Variants in PCGF3 observed in about 807,000 individuals in gnomAD.
The protein encoded by PCGF3 is polycomb group ring finger 3.
A neutral mutation model predicts 33.1 loss-of-function variants in PCGF3; 7 were observed. The ratio of observed to expected loss-of-function variants is 0.21; its 90% CI spans 0.12 to 0.40. The LOEUF is 0.40. Ranked by LOEUF, PCGF3 falls within the 10% of genes least tolerant of loss-of-function variation. PCGF3 has a pLI of 1.00. For synonymous variants in PCGF3, 153 were observed against 121.3 expected, an observed-to-expected ratio of 1.26 and a Z score of -1.72; for missense variants, 211 against 313.3, an observed-to-expected ratio of 0.67 and a Z score of 2.46.
intron 3 of PCGF3, chr4:731,334 G>A (rs1479405327): frequency 1.2e-5 from 5 of 400,246 alleles, no homozygotes; most frequent in Non-Finnish European, 2.2e-5. Context: ...CAGAGGGCTG[G>A]TCTCCTTCCG....
Position 734,941 on chromosome 4 carries a change from C to T in PCGF3, c.120C>T (p.Ser40=), listed in dbSNP as rs375987171. ...GTGCTTTGATGACAGTCTGCAGGAG[C>T]TGCCTGGTGAAGTACCTGGAGGAGA... Residue 40 remains serine (S), a synonymous_variant, in exon 5 of 11, where the codon AGC becomes AGT. Coordinates refer to ENST00000362003, the Ensembl canonical transcript of PCGF3. 24 of 1,613,456 alleles carry T rather than the reference C, an allele frequency of 1.5e-5. No homozygotes were observed. In the African/African-American group the frequency reaches 3.1e-4, roughly 21 times the overall value.
At chr4:765,968 T>TGAAGTAGGTCCTTCTCGCC in intron 10 of PCGF3, 64 bp from the exon 11 acceptor site, 1 of 1,458,360 alleles carries the variant, frequency 6.9e-7, no homozygotes, top group Non-Finnish European at 9.6e-7. Context: ...CCCTTCCCGA[T>TGAAGTAGGTCCTTCTCGCC]GAAGTAGGTC....
Position 751,316 on chromosome 4 carries a change from C to T in PCGF3, c.462+6628C>T, listed in dbSNP as rs1005678506. Among the ~76,000 whole-genome samples the T allele has an allele frequency of 9.2e-5, 14 of 152,262 alleles. 2 individuals carry two copies. Among genetic ancestry groups the T allele is most frequent in the South Asian group, 2.1e-4 (1 of 4,818 alleles). On this transcript the variant is annotated intron_variant, in intron 8 of 10. Transcript: ENST00000362003. ...AATTTTATTTCACACTAATTTTATT[C>T]TAGGAATCGCTTCTTCATCTTACTG... is the stretch of plus-strand genomic sequence containing the variant.
At chr4:762,591 CA>C (rs1745121748) in intron 9 of PCGF3, 1 of 152,312 alleles carries the variant, frequency 6.6e-6, no homozygotes, top group Non-Finnish European at 1.5e-5. Flanking sequence ...CATGAGGATG[CA>C]GCAGAAGGCC....
At position 764,806 on chromosome 4, in the gene PCGF3, A is replaced by G. The variant is rs1745271474; in HGVS notation, c.601-178A>G. 6.9e-6 allele frequency: 4 copies of G among 578,464 alleles called. No individual in the cohort carries two copies. The East Asian group carries it at 8.8e-5, about 13-fold the overall frequency. 35.8% of individuals were successfully genotyped at this position (578,464 alleles called of 1,614,324 possible). ...AGCTGTGAGGTAGGGACCACACTCC[A>G]TCTCTAGGCTGTGAGGTAGGGATGG... On this transcript the variant is annotated intron_variant, in intron 9 of 10. Transcript: ENST00000362003.
intron 1 of PCGF3, among the ~76,000 whole-genome samples, chr4:718,230 G>A (rs2109539361): frequency 6.6e-6 from 1 of 152,256 alleles, no homozygotes; most frequent in South Asian, 2.1e-4. Flanking sequence ...GAGGTGCCTG[G>A]AGAGGAAACG....
At chr4:743,948 G>GA (rs376575125) in intron 7 of PCGF3, 108 of 194,970 alleles carry the variant, frequency 5.5e-4, no homozygotes, top group African/African-American at 2.4e-3. Context: ...TGTGTAAAGG[G>GA]AATGGTATGT....
chr4:749,642 A>C (rs901831604), intron 8 of PCGF3, among the ~76,000 whole-genome samples: 12 of 150,706 alleles, frequency 8.0e-5, no homozygotes, highest in African/African-American at 2.4e-4. Context: ...ACACCCCACC[A>C]CACCCGGCTA....
At chr4:765,586 T>TGAGC (rs1560222335) in intron 10 of PCGF3, among the ~76,000 whole-genome samples, 1 of 152,240 alleles carries the variant, frequency 6.6e-6, no homozygotes, top group East Asian at 1.9e-4. Flanking sequence ...AGGCCATGAG[T>TGAGC]GCCATGAGCA....
intron 6 of PCGF3, among the ~76,000 whole-genome samples, chr4:741,493 G>A (rs1479604313): frequency 8.5e-5 from 13 of 152,104 alleles, no homozygotes; most frequent in African/African-American, 1.9e-4. Flanking sequence ...TGCAACCTCC[G>A]CCTCCCAGGT....
At chr4:715,022 T>A (rs1433268140) in intron 1 of PCGF3, among the ~76,000 whole-genome samples, 18 of 144,730 alleles carry the variant, frequency 1.2e-4, no homozygotes, top group South Asian at 4.5e-4. Context: ...AGACACTGAG[T>A]GTGAGAACTG....
At chr4:743,749 T>G (rs1744195274) in intron 7 of PCGF3, 165 bp downstream of exon 7, 2 of 555,624 alleles carry the variant, frequency 3.6e-6, no homozygotes, top group Admixed American at 3.2e-5. Context: ...TCCTCCTCAC[T>G]CCTGGTACCA....
intron 10 of PCGF3, among the ~76,000 whole-genome samples, chr4:765,693 G>A (rs1745330369): frequency 6.6e-6 from 1 of 152,066 alleles, no homozygotes; most frequent in African/African-American, 2.4e-5. Flanking sequence ...AGAGGGGGAG[G>A]AGCCAAGGCT....
chr4:734,969 A>C (rs1162115308), exon 5 of PCGF3: 7 of 1,613,644 alleles, frequency 4.3e-6, no homozygotes, highest in Non-Finnish European at 5.9e-6. Context: ...GGAGGAGAAC[A>C]ACACCTGCCC....
intron 10 of PCGF3, among the ~76,000 whole-genome samples, chr4:765,491 T>C (rs538794183): frequency 6.6e-6 from 1 of 151,258 alleles, no homozygotes; most frequent in African/African-American, 2.4e-5. Context: ...ACAGTTCTGG[T>C]CTTTCTGAAA....
intron 1 of PCGF3, among the ~76,000 whole-genome samples, chr4:711,749 A>G (rs138688201): frequency 0.26 from 38,771 of 151,438 alleles, 5,320 homozygotes; most frequent in South Asian, 0.36. Context: ...GAGCCACCGC[A>G]CCCGGCCGAA....
At chr4:753,764 A>G (rs1173212282) in intron 8 of PCGF3, among the ~76,000 whole-genome samples, 2 of 152,028 alleles carry the variant, frequency 1.3e-5, no homozygotes, top group Admixed American at 1.3e-4. Context: ...CCTGGGCAAC[A>G]AGGTGAAACC....
At chr4:761,824 G>GC in intron 9 of PCGF3, 1 of 985,412 alleles carries the variant, frequency 1.0e-6, no homozygotes, top group Non-Finnish European at 1.2e-6. Flanking sequence ...CTTGGCAGCG[G>GC]GCGCACCATG....
chr4:768,941 T>C (rs543056816), exon 11 of PCGF3: 1 of 152,836 alleles, frequency 6.5e-6, no homozygotes, highest in Admixed American at 6.5e-5. Context: ...AATGGTAATG[T>C]AGCATTTATT....
Sources: gnomAD v4.1 joint callset for allele counts (sites outside exome capture counted in the v4.1 genomes callset) on GRCh38, gnomAD v4.1.1 for gene constraint, MANE v1.5 for transcripts, NCBI Gene and HGNC (gene_info 2026-07-23, HGNC 2026-07-21) for gene names.